ACACB: variants seen among roughly 807,000 people sequenced by gnomAD.
ACACB encodes the protein acetyl-CoA carboxylase beta.
Under a neutral mutation model 278.8 loss-of-function variants are expected in ACACB, and 209 were observed. The ratio of observed to expected loss-of-function variants is 0.75; its 90% CI spans 0.67 to 0.84. The LOEUF is 0.84. Ranked by LOEUF, ACACB falls within the 40% of genes least tolerant of loss-of-function variation. The pLI is 0.00. For synonymous variants in ACACB, 1,174 were observed against 1,285.6 expected (o/e 0.91, Z 1.86); for missense variants, 2,850 against 3,269.0 (o/e 0.87, Z 3.13).
At chr12:109,201,122 T>A (rs1327190307) in intron 18 of ACACB, among the ~76,000 whole-genome samples, 2 of 152,260 alleles carry the variant, frequency 1.3e-5, no homozygotes, top group African/African-American at 4.8e-5. Context: ...AAAGGGCTGA[T>A]GAGCAGATTC....
intron 24 of ACACB, among the ~76,000 whole-genome samples, chr12:109,220,356 T>C (rs1305067767): frequency 6.6e-6 from 1 of 152,172 alleles, no homozygotes; most frequent in Non-Finnish European, 1.5e-5. Context: ...GACTTGTGAA[T>C]TGAATGATTA....
At chr12:109,193,881 A>T in intron 16 of ACACB, 152 bp downstream of exon 16, 1 of 663,244 alleles carries the variant, frequency 1.5e-6, no homozygotes, top group South Asian at 1.9e-5. Flanking sequence ...CGTGACCTTG[A>T]CACCTAAACA....
chr12:109,210,103 G>GTATATGTGTA lies in ACACB; in HGVS notation c.3249+757_3249+758insGTATATATGT, dbSNP rs1555222716. Among the ~76,000 whole-genome samples, 405 of 61,104 alleles carry GTATATGTGTA rather than the reference G, an allele frequency of 6.6e-3. 61 individuals carry two copies. Among genetic ancestry groups the GTATATGTGTA allele is most frequent in the African/African-American group, 0.027 (379 of 14,174 alleles). 40.1% of individuals were successfully genotyped at this position (61,104 alleles called of 152,430 possible). A position where few individuals can be genotyped will look rare whatever the true frequency, so the allele number is the denominator to read the frequency against. On this transcript the variant is annotated intron_variant, in intron 21 of 52. Coordinates refer to ENST00000338432, the MANE Select transcript of ACACB (RefSeq NM_001093.4). ...TATGTATATATACACACATGTGTGT[G>GTATATGTGTA]TATATGTATATATACACGTACATGT...
chr12:109,138,717 A>G lies in ACACB; in HGVS notation c.-9-680A>G, dbSNP rs928630848. ...ACAAAAATACAAAAATTAGCTAGGC[A>G]TGGTGGTGCATGCCTGTAGCCCAAG... is the stretch of plus-strand genomic sequence containing the variant. On this transcript the variant is annotated intron_variant, in intron 1 of 52. Coordinates refer to ENST00000338432, the MANE Select transcript of ACACB (RefSeq NM_001093.4). Among the ~76,000 whole-genome samples the G allele has an allele frequency of 2.6e-5, 4 of 152,158 alleles. No homozygotes were observed. In the South Asian group the frequency reaches 8.3e-4, roughly 31 times the overall value.
intron 15 of ACACB, 65 bp downstream of exon 15, chr12:109,192,015 T>C: frequency 6.6e-7 from 1 of 1,516,582 alleles, no homozygotes; most frequent in African/African-American, 1.4e-5. Context: ...AGGCTGAATC[T>C]GTCTCCTTTA....
At chr12:109,251,661 C>T (rs952476355) in intron 41 of ACACB, among the ~76,000 whole-genome samples, 1 of 152,166 alleles carries the variant, frequency 6.6e-6, no homozygotes, top group African/African-American at 2.4e-5. Context: ...ATTGTTAACT[C>T]AGTACAGACC....
intron 19 of ACACB, among the ~76,000 whole-genome samples, chr12:109,205,596 C>T (rs1285639802): frequency 1.3e-5 from 2 of 151,942 alleles, no homozygotes; most frequent in African/African-American, 4.8e-5. Context: ...ATTACAGGCA[C>T]GCGCCACCAT....
chr12:109,206,456 G>A (rs1346318013), intron 19 of ACACB, among the ~76,000 whole-genome samples: 8 of 126,822 alleles, frequency 6.3e-5, no homozygotes, highest in South Asian at 4.4e-4. Flanking sequence ...AGATCTCACC[G>A]CCACCCCACA....
chr12:109,194,511 CAT>C (rs1491230298), intron 16 of ACACB, among the ~76,000 whole-genome samples: 949 of 54,280 alleles, frequency 0.017, 8 homozygotes, highest in African/African-American at 0.085. Context: ...TCTGTGTGTG[CAT>C]GTGTGTGTGT....
At chr12:109,188,261 C>T in intron 13 of ACACB, 99 bp downstream of exon 13, 1 of 1,241,966 alleles carries the variant, frequency 8.1e-7, no homozygotes. Context: ...CCTCTTCCTT[C>T]CCTCTTTCTC....
chr12:109,161,000 G>A (rs1297179037), intron 2 of ACACB, among the ~76,000 whole-genome samples: 1 of 152,170 alleles, frequency 6.6e-6, no homozygotes, highest in African/African-American at 2.4e-5. Flanking sequence ...ACTTTCTGAA[G>A]CTGAACCATC....
intron 21 of ACACB, among the ~76,000 whole-genome samples, chr12:109,210,669 C>A (rs889892567): frequency 4.0e-5 from 6 of 151,142 alleles, no homozygotes; most frequent in Admixed American, 2.6e-4. Flanking sequence ...AATCCCAGCA[C>A]GTTGGGAGGC....
At chr12:109,198,864 C>G (rs11065808) in intron 17 of ACACB, among the ~76,000 whole-genome samples, 92,708 of 151,622 alleles carry the variant, frequency 0.61, 28,849 homozygotes, top group Middle Eastern at 0.72. Flanking sequence ...GGCCTCAAGC[C>G]ATCCTCCCAC....
At position 109,260,198 on chromosome 12, in the gene ACACB, G is replaced by C; in HGVS notation, c.6497-282G>C. On this transcript the variant is annotated intron_variant, in intron 47 of 52. Coordinates refer to ENST00000338432, the MANE Select transcript of ACACB (RefSeq NM_001093.4). ...GAAATGGTGGGGCAGGGCAGGGACA[G>C]TCATGGGTGAGGGCATTTCAATTCC... 4 of 1,420,668 alleles carry C rather than the reference G, an allele frequency of 2.8e-6. No individual in the cohort carries two copies. In the South Asian group the frequency reaches 4.6e-5, roughly 16 times the overall value. 88.0% of individuals were successfully genotyped at this position (1,420,668 alleles called of 1,614,324 possible). A position where few individuals can be genotyped will look rare whatever the true frequency, so the allele number is the denominator to read the frequency against.
At chr12:109,194,214 C>G (rs997628144) in intron 16 of ACACB, among the ~76,000 whole-genome samples, 11 of 149,826 alleles carry the variant, frequency 7.3e-5, no homozygotes, top group Admixed American at 7.3e-4. Context: ...GTTGTTTTTT[C>G]AAACGGAGCC....
At chr12:109,128,420 T>A (rs2042736924) in intron 1 of ACACB, among the ~76,000 whole-genome samples, 1 of 151,892 alleles carries the variant, frequency 6.6e-6, no homozygotes, top group Admixed American at 6.6e-5. Flanking sequence ...TCATTGCAAC[T>A]TCCGCCTCCT....
Position 109,237,305 on chromosome 12 carries a change from G to A in ACACB, c.4587G>A (p.Val1529=), listed in dbSNP as rs772218139. The A allele has an allele frequency of 1.2e-6, 2 of 1,614,190 alleles. No individual in the cohort carries two copies. The highest frequency in any genetic ancestry group is 1.3e-5 in the African/African-American group (1 of 75,036). Residue 1529 remains valine, a synonymous_variant, in exon 34 of 53, where the codon GTG becomes GTA. Coordinates refer to ENST00000338432, the MANE Select transcript of ACACB (RefSeq NM_001093.4). ...ACCTTTACCTGGGTGCTGCCAAGGT[G>A]AAGGAAGGTGTGGAAGTGACGGACC... ...KMHLYLGAAK[V]KEGVEVTDHR...
intron 13 of ACACB, among the ~76,000 whole-genome samples, chr12:109,189,835 G>C (rs2044801255): frequency 6.6e-6 from 1 of 152,192 alleles, no homozygotes; most frequent in African/African-American, 2.4e-5. Flanking sequence ...ACTCGGCCAG[G>C]CACAGTGGCT....
intron 28 of ACACB, among the ~76,000 whole-genome samples, chr12:109,228,952 ACT>A (rs1156450626): frequency 3.1e-4 from 47 of 151,682 alleles, no homozygotes; most frequent in Middle Eastern, 3.4e-3. Context: ...GTGCTCCCAC[ACT>A]CTTTTATTTA....
Sources: gnomAD v4.1 joint callset for allele counts (sites outside exome capture counted in the v4.1 genomes callset) on GRCh38, gnomAD v4.1.1 for gene constraint, MANE v1.5 for transcripts, NCBI Gene and HGNC (gene_info 2026-07-23, HGNC 2026-07-21) for gene names.